Variants in MTREX observed in about 807,000 individuals in gnomAD.
MTREX encodes exosome RNA helicase MTR4.
A neutral mutation model predicts 135.4 loss-of-function variants in MTREX; 76 were observed. The observed-to-expected ratio is 0.56, with a 90% CI of 0.47 to 0.68. The LOEUF (loss-of-function observed/expected upper bound fraction) is 0.68, where lower values mean the gene tolerates loss of function less well. Among genes scored for constraint, MTREX ranks in the 30% least tolerant of loss-of-function variants. The probability of loss-of-function intolerance (pLI) is 0.00; values close to 1 mark genes in which losing one functional copy is unlikely to be tolerated. For missense variants in MTREX, 920 were observed against 1,262.1 expected (o/e 0.73, Z 4.11); for synonymous variants, 404 against 401.6 (o/e 1.01, Z -0.07).
At chr5:55,314,152 T>C (rs1749161977) in intron 1 of MTREX, among the ~76,000 whole-genome samples, 1 of 152,214 alleles carries the variant, frequency 6.6e-6, no homozygotes, top group Non-Finnish European at 1.5e-5. Context: ...TTGGAATAGA[T>C]TCCTAGAAGC....
chr5:55,393,800 ATAT>A (rs1432089759), intron 19 of MTREX, among the ~76,000 whole-genome samples: 1 of 152,204 alleles, frequency 6.6e-6, no homozygotes, highest in East Asian at 1.9e-4. Flanking sequence ...CCATATGCAA[ATAT>A]TATGATGTTT....
chr5:55,364,683 G>C (rs747492259), intron 15 of MTREX, among the ~76,000 whole-genome samples: 2 of 152,126 alleles, frequency 1.3e-5, no homozygotes, highest in African/African-American at 4.8e-5. Flanking sequence ...CATAATCTAG[G>C]TATGATTTGA....
At chr5:55,309,395 G>C (rs566922445) in intron 1 of MTREX, among the ~76,000 whole-genome samples, 1 of 152,144 alleles carries the variant, frequency 6.6e-6, no homozygotes, top group Admixed American at 6.5e-5. Context: ...AGGGAAAGAA[G>C]ATAGACAGTG....
Position 55,414,215 on chromosome 5 carries a change from G to A in MTREX, c.2785G>A (p.Ala929Thr). The A allele has an allele frequency of 1.3e-6, 2 of 1,564,960 alleles. No homozygotes were observed. The highest frequency in any genetic ancestry group is 1.4e-5 in the African/African-American group (1 of 71,466). Residue 929 changes from alanine to threonine, a missense_variant, in exon 24 of 27, where the codon GCA becomes ACA. Physicochemically the swap from Ala to Thr is moderately conservative, Grantham distance 58. Around this residue, in one of 6 missense-constraint regions of MTREX, gnomAD observed 467 missense variants for 589.7 expected, o/e 0.79. Coordinates refer to ENST00000230640, the MANE Select transcript of MTREX (RefSeq NM_015360.5). ...GATGCCCAAATTAACAGAACAATTA[G>A]CAGGACCACTTCGTCAAATGCAGGT... is the stretch of plus-strand genomic sequence containing the variant. ...SEMPKLTEQL[A>T]GPLRQMQECA...
chr5:55,359,241 T>G (rs1342318628), intron 15 of MTREX, among the ~76,000 whole-genome samples: 1 of 152,236 alleles, frequency 6.6e-6, no homozygotes, highest in Non-Finnish European at 1.5e-5. Context: ...CTTCGGATGG[T>G]CTAGGATTTT....
At chr5:55,407,264 AG>A (rs987786516) in intron 22 of MTREX, among the ~76,000 whole-genome samples, 1 of 152,158 alleles carries the variant, frequency 6.6e-6, no homozygotes, top group African/African-American at 2.4e-5. Flanking sequence ...AGCCACCAAA[AG>A]GGGGCAGTGA....
intron 18 of MTREX, among the ~76,000 whole-genome samples, chr5:55,384,756 G>A (rs1391671413): frequency 1.3e-5 from 2 of 152,076 alleles, no homozygotes; most frequent in African/African-American, 4.8e-5. Context: ...CTTTTAGTTT[G>A]TTTCTGGGGT....
In MTREX at chr5:55,378,225, A is replaced by G. The variant is rs1045920077; in HGVS notation, c.1811-89A>G. Reference sequence around the variant, plus strand: ...AAACAAAAACCGCAACTACACTTGCACCAACCTAATAGAAAAAATCCTATG... The same window carrying G: ...AAACAAAAACCGCAACTACACTTGCGCCAACCTAATAGAAAAAATCCTATG... On this transcript the variant is annotated intron_variant, in intron 16 of 26. Coordinates refer to ENST00000230640, the MANE Select transcript of MTREX (RefSeq NM_015360.5). The G allele has an allele frequency of 1.3e-5, 19 of 1,414,388 alleles. No individual in the cohort carries two copies. In the African/African-American group the frequency reaches 2.1e-4, roughly 15 times the overall value. The allele number at this position is 1,414,388 out of a possible 1,614,324, so 87.6% of individuals were successfully genotyped here.
At chr5:55,344,406 C>T in intron 8 of MTREX, 116 bp from the exon 9 acceptor site, 3 of 682,102 alleles carry the variant, frequency 4.4e-6, no homozygotes, top group Non-Finnish European at 7.4e-6. Flanking sequence ...GAAGTGTTTT[C>T]TTTTTGAAAT....
intron 20 of MTREX, among the ~76,000 whole-genome samples, chr5:55,399,511 G>A (rs182104841): frequency 6.0e-5 from 9 of 151,258 alleles, no homozygotes; most frequent in South Asian, 2.1e-4. Flanking sequence ...TTTTTGAGAC[G>A]GAGTCTTGCT....
At chr5:55,380,838 T>C (rs1432082266) in intron 18 of MTREX, among the ~76,000 whole-genome samples, 1 of 152,064 alleles carries the variant, frequency 6.6e-6, no homozygotes, top group Non-Finnish European at 1.5e-5. Context: ...TAGGAAGTGT[T>C]CCCCTTTTCT....
At chr5:55,318,022 T>C (rs575337088) in intron 1 of MTREX, among the ~76,000 whole-genome samples, 1 of 152,244 alleles carries the variant, frequency 6.6e-6, no homozygotes, top group South Asian at 2.1e-4. Context: ...TAAAAAAAGC[T>C]CAGTATCACT....
At chr5:55,395,963 A>G (rs931351995) in intron 19 of MTREX, among the ~76,000 whole-genome samples, 1 of 152,202 alleles carries the variant, frequency 6.6e-6, no homozygotes, top group African/African-American at 2.4e-5. Flanking sequence ...GTGAAAGAGG[A>G]CGAAATCTTA....
intron 13 of MTREX, among the ~76,000 whole-genome samples, chr5:55,352,913 C>T (rs901244318): frequency 5.3e-5 from 8 of 152,184 alleles, no homozygotes; most frequent in Non-Finnish European, 1.2e-4. Context: ...TGTATTCTCT[C>T]TAGTTGGCAC....
Position 55,349,561 on chromosome 5 carries a change from A to G in MTREX, c.1241-12A>G. On this transcript the variant is annotated splice_polypyrimidine_tract_variant and intron_variant, in intron 11 of 26. Coordinates refer to ENST00000230640, the MANE Select transcript of MTREX (RefSeq NM_015360.5). ...CATTTTGATATTTCTGTACCCTTGA[A>G]TTTTCTCCTAGATGAAGAAAAGAAG... The G allele has an allele frequency of 2.1e-6, 3 of 1,455,400 alleles. No individual in the cohort carries two copies. The highest frequency in any genetic ancestry group is 2.9e-6 in the Non-Finnish European group (3 of 1,038,324). 90.2% of individuals were successfully genotyped at this position (1,455,400 alleles called of 1,614,324 possible). A position where few individuals can be genotyped will look rare whatever the true frequency, so the allele number is the denominator to read the frequency against.
chr5:55,356,517 C>A, intron 14 of MTREX: 1 of 202,044 alleles, frequency 4.9e-6, no homozygotes. Flanking sequence ...GTTTACCACC[C>A]ACAAGTGTCT....
intron 24 of MTREX, 116 bp from the exon 25 acceptor site, chr5:55,415,854 C>G: frequency 1.6e-6 from 1 of 639,706 alleles, no homozygotes; most frequent in East Asian, 3.2e-5. Context: ...GTCCACATTG[C>G]AGACATAATA....
intron 14 of MTREX, chr5:55,356,368 G>T: frequency 6.0e-6 from 1 of 168,066 alleles, no homozygotes; most frequent in South Asian, 1.6e-4. Flanking sequence ...TCTTGCATGT[G>T]ACTCAGCTTG....
chr5:55,400,198 AT>A, intron 20 of MTREX, 34 bp from the exon 21 acceptor site: 1 of 1,490,644 alleles, frequency 6.7e-7, no homozygotes, highest in Non-Finnish European at 9.0e-7. Context: ...AATTTTGACT[AT>A]AAGATGAAAA....
Sources: allele counts gnomAD v4.1 joint callset (sites outside exome capture counted in the v4.1 genomes callset), GRCh38; gene constraint gnomAD v4.1.1; regional missense constraint gnomAD v4.1.1; transcripts MANE v1.5; gene names NCBI Gene and HGNC (gene_info 2026-07-23, HGNC 2026-07-21).